OSBPL3: variants seen among roughly 807,000 people sequenced by gnomAD.
The protein encoded by OSBPL3 is oxysterol-binding protein-related protein 3.
Under a neutral mutation model 120.1 loss-of-function variants are expected in OSBPL3, and 65 were observed. That is an observed-to-expected ratio of 0.54 (90% CI 0.44 to 0.67). The LOEUF is 0.67. Ranked by LOEUF, OSBPL3 falls within the 30% of genes least tolerant of loss-of-function variation. The pLI, the probability that OSBPL3 is intolerant of heterozygous loss-of-function variation, is 0.00. For synonymous variants in OSBPL3, 416 were observed against 402.6 expected, an observed-to-expected ratio of 1.03 and a Z score of -0.40; for missense variants, 1,004 against 1,082.1, an observed-to-expected ratio of 0.93 and a Z score of 1.01.
chr7:24,866,436 G>C (rs988671278), intron 5 of OSBPL3, among the ~76,000 whole-genome samples, 199 bp from the exon 6 acceptor site: 6 of 152,076 alleles, frequency 3.9e-5, no homozygotes, highest in African/African-American at 4.8e-5. Context: ...CCAGGAGTTC[G>C]AGACCACCCT....
chr7:24,865,447 G>A lies in OSBPL3; in HGVS notation c.568C>T (p.Gln190Ter). ...TTGCTTCCAGTTTGAAATAAATTCT[G>A]CTTTGATATACTGCTACGCTGTTCC... is the stretch of plus-strand genomic sequence containing the variant. Reference protein sequence around the residue: ...SSRKRSSISKQNLFQTGSNVS... With the variant: ...SSRKRSSISK The change falls in exon 7 of 23, where the codon CAG (glutamine) becomes TAG (stop). Residue 190 changes from glutamine (Q) to a stop codon, truncating the protein, a stop_gained. Transcript: ENST00000313367. LOFTEE classifies it high-confidence loss of function. The A allele has an allele frequency of 6.2e-7, 1 of 1,613,642 alleles. No homozygotes were observed. Among genetic ancestry groups the A allele is most frequent in the Non-Finnish European group, 8.5e-7 (1 of 1,179,676 alleles).
At chr7:24,902,445 T>C (rs1172849512) in intron 1 of OSBPL3, among the ~76,000 whole-genome samples, 4 of 152,304 alleles carry the variant, frequency 2.6e-5, no homozygotes, top group Non-Finnish European at 2.9e-5. Context: ...AACATGACTA[T>C]GTCTTGAACT....
Position 24,828,605 on chromosome 7 carries a change from T to TGAAAAAA in OSBPL3, c.1884+2156_1884+2162dup, listed in dbSNP as rs1562785732. ...CTGGGCGACAAAGTGAGACTCTGTC[T>TGAAAAAA]GAAAAAAAAAAAAAAAGAAAAAAAA... On this transcript the variant is annotated intron_variant, in intron 16 of 22. Transcript: ENST00000313367. Among the ~76,000 whole-genome samples the TGAAAAAA allele has an allele frequency of 4.5e-4, 27 of 59,554 alleles. 2 individuals carry two copies. The highest frequency in any genetic ancestry group is 7.1e-4 in the Non-Finnish European group (22 of 30,950). The allele number at this position is 59,554 out of a possible 152,430, so 39.1% of individuals were successfully genotyped here.
chr7:24,852,750 G>C lies in OSBPL3; in HGVS notation c.1028-116C>G, dbSNP rs1468039414. 1.5e-6 allele frequency: 1 copy of C among 672,840 alleles called. No homozygotes were observed. Among genetic ancestry groups the C allele is most frequent in the Non-Finnish European group, 2.4e-6 (1 of 424,718 alleles). 41.7% of individuals were successfully genotyped at this position (672,840 alleles called of 1,614,324 possible). A position where few individuals can be genotyped will look rare whatever the true frequency, so the allele number is the denominator to read the frequency against. On this transcript the variant is annotated intron_variant, in intron 10 of 22. Transcript: ENST00000313367. The surrounding 1 kb of genome is among the most constrained non-coding windows in gnomAD (Gnocchi z 4.1). Reference sequence around the variant, plus strand: ...GCAAAGTAACAGCCCTGAATATTTTGAGTATAGCAAATGTACATTCTACCT... The same window carrying C: ...GCAAAGTAACAGCCCTGAATATTTTCAGTATAGCAAATGTACATTCTACCT...
Position 24,822,772 on chromosome 7 carries a change from A to G in OSBPL3, c.1885-2534T>C, listed in dbSNP as rs1795270183. 6.6e-6 allele frequency among the ~76,000 whole-genome samples: 1 copy of G among 152,254 alleles called. No individual in the cohort carries two copies. The highest frequency in any genetic ancestry group is 2.4e-5 in the African/African-American group (1 of 41,474). On this transcript the variant is annotated intron_variant, in intron 16 of 22. Transcript: ENST00000313367. The surrounding 1 kb of genome is among the most constrained non-coding windows in gnomAD (Gnocchi z 5.8). ...TAAATATACATCCATATGAATTACA[A>G]GAGAACCCCTACAGTATACACACAT... is the stretch of plus-strand genomic sequence containing the variant.
At chr7:24,926,936 A>G (rs898222840) in intron 1 of OSBPL3, among the ~76,000 whole-genome samples, 1 of 152,252 alleles carries the variant, frequency 6.6e-6, no homozygotes, top group Non-Finnish European at 1.5e-5. Flanking sequence ...TCAATGTTGT[A>G]AGAAACAGAC....
chr7:24,929,221 G>A lies in OSBPL3; in HGVS notation c.-149-36600C>T, dbSNP rs1584652259. ...TGCCTCACTGTAGTTTAATTTAGAA[G>A]GTCTGAAATCTGTTTCGTTCAGTGT... On this transcript the variant is annotated intron_variant, in intron 1 of 22. Transcript: ENST00000313367. Among the ~76,000 whole-genome samples the A allele has an allele frequency of 2.0e-5, 3 of 152,254 alleles. No individual in the cohort carries two copies. In the South Asian group the frequency reaches 6.2e-4, roughly 32 times the overall value.
rs1243158256 is a variant in OSBPL3 at position 24,881,406 on chromosome 7, G to C, written c.97-9337C>G. Among the ~76,000 whole-genome samples the C allele has an allele frequency of 2.0e-5, 3 of 152,138 alleles. No homozygotes were observed. The highest frequency in any genetic ancestry group is 7.2e-5 in the African/African-American group (3 of 41,438). On this transcript the variant is annotated intron_variant, in intron 2 of 22. Coordinates refer to ENST00000313367, the MANE Select transcript of OSBPL3 (RefSeq NM_015550.4). The surrounding 1 kb of genome is among the most constrained non-coding windows in gnomAD (Gnocchi z 4.3). ...TTTGTAACGGAGCTTCTTTTTAATA[G>C]GGGGGTCCCTGCTTAAAGGTCCAAA...
chr7:24,864,594 C>T (rs1370770999), intron 7 of OSBPL3, among the ~76,000 whole-genome samples: 1 of 152,142 alleles, frequency 6.6e-6, no homozygotes, highest in Non-Finnish European at 1.5e-5. Context: ...TTCAAGGCTG[C>T]CACCTGGTAT....
At position 24,872,448 on chromosome 7, in the gene OSBPL3, A is replaced by AGTGTGTGTGTGTGT. The variant is rs371127031; in HGVS notation, c.97-393_97-380dup. ...TCAGTCTGAATTTTAACCGAAAGAG[A>AGTGTGTGTGTGTGT]GTGTGTGTGTGTGTGTGTGTGTGTG... On this transcript the variant is annotated intron_variant, in intron 2 of 22. Transcript: ENST00000313367. This position sits in a 1 kb window ranked among gnomAD's most constrained non-coding sequence, Gnocchi z 4.1. 1.2e-3 allele frequency among the ~76,000 whole-genome samples: 171 copies of AGTGTGTGTGTGTGT among 144,976 alleles called. 1 individual carries two copies. The highest frequency in any genetic ancestry group is 2.8e-3 in the African/African-American group (107 of 38,810).
intron 10 of OSBPL3, among the ~76,000 whole-genome samples, chr7:24,853,074 T>A (rs1254802793): frequency 6.6e-6 from 1 of 152,248 alleles, no homozygotes; most frequent in East Asian, 1.9e-4. Context: ...GTCTCATGAC[T>A]TTATGACTTA....
At position 24,918,906 on chromosome 7, in the gene OSBPL3, T is replaced by C. The variant is rs1470967988; in HGVS notation, c.-149-26285A>G. ...TAGAAAAGGCAACAGACATAAATTT[T>C]GTAACTAACATTTCCCAGGTACAAT... is the stretch of plus-strand genomic sequence containing the variant. On this transcript the variant is annotated intron_variant, in intron 1 of 22. Coordinates refer to ENST00000313367, the MANE Select transcript of OSBPL3 (RefSeq NM_015550.4). The surrounding 1 kb of genome is among the most constrained non-coding windows in gnomAD (Gnocchi z 4.3). Among the ~76,000 whole-genome samples, 1 of 152,224 alleles carries C rather than the reference T, an allele frequency of 6.6e-6. No homozygotes were observed. Among genetic ancestry groups the C allele is most frequent in the African/African-American group, 2.4e-5 (1 of 41,460 alleles).
intron 1 of OSBPL3, 82 bp from the exon 2 acceptor site, chr7:24,892,703 A>T (rs1245725559): frequency 1.0e-6 from 1 of 1,002,002 alleles, no homozygotes; most frequent in African/African-American, 1.6e-5. Flanking sequence ...AAGTGGCTTA[A>T]ACATACTACA....
At chr7:24,829,701 T>A (rs1439565585) in intron 16 of OSBPL3, among the ~76,000 whole-genome samples, 1 of 152,168 alleles carries the variant, frequency 6.6e-6, no homozygotes, top group Non-Finnish European at 1.5e-5. Context: ...CTTAACAAGG[T>A]GGGAGAGGGT....
Position 24,940,897 on chromosome 7 carries a change from G to A in OSBPL3, c.-150+38989C>T, listed in dbSNP as rs1284555738. 6.6e-6 allele frequency among the ~76,000 whole-genome samples: 1 copy of A among 150,550 alleles called. No individual in the cohort carries two copies. Among genetic ancestry groups the A allele is most frequent in the East Asian group, 2.0e-4 (1 of 5,126 alleles). On this transcript the variant is annotated intron_variant, in intron 1 of 22. Coordinates refer to ENST00000313367, the MANE Select transcript of OSBPL3 (RefSeq NM_015550.4). This position sits in a 1 kb window ranked among gnomAD's most constrained non-coding sequence, Gnocchi z 4.4. ...TGCACTGGCGCGATCTCGGCTCACT[G>A]CAAGCTCTGCCTCCCGGGTTCAAGC...
chr7:24,900,425 C>T lies in OSBPL3; in HGVS notation c.-149-7804G>A, dbSNP rs1288625522. On this transcript the variant is annotated intron_variant, in intron 1 of 22. Coordinates refer to ENST00000313367, the MANE Select transcript of OSBPL3 (RefSeq NM_015550.4). The surrounding 1 kb of genome is among the most constrained non-coding windows in gnomAD (Gnocchi z 4.5). ...AATTAGCCTACGGTAAAATTAGCTTCGTATATATCGTTTCACTTGAAGTCA... is the reference window on the plus strand; with the variant it reads ...AATTAGCCTACGGTAAAATTAGCTTTGTATATATCGTTTCACTTGAAGTCA... 1.3e-5 allele frequency among the ~76,000 whole-genome samples: 2 copies of T among 152,150 alleles called. No homozygotes were observed. Among genetic ancestry groups the T allele is most frequent in the Non-Finnish European group, 2.9e-5 (2 of 68,032 alleles).
chr7:24,837,964 T>C (rs1293431758), intron 14 of OSBPL3, among the ~76,000 whole-genome samples: 1 of 152,210 alleles, frequency 6.6e-6, no homozygotes, highest in Admixed American at 6.5e-5. Flanking sequence ...AAACCTCATG[T>C]TTACTATAAA....
chr7:24,913,007 C>T lies in OSBPL3; in HGVS notation c.-149-20386G>A, dbSNP rs908496994. On this transcript the variant is annotated intron_variant, in intron 1 of 22. Coordinates refer to ENST00000313367, the MANE Select transcript of OSBPL3 (RefSeq NM_015550.4). This position sits in a 1 kb window ranked among gnomAD's most constrained non-coding sequence, Gnocchi z 5.3. ...GAAAGAACACATGGAGAGATCCATT[C>T]GGAAAAGAATGGCGACCGCCTCACC... 6.6e-6 allele frequency among the ~76,000 whole-genome samples: 1 copy of T among 152,176 alleles called. No individual in the cohort carries two copies. The highest frequency in any genetic ancestry group is 2.1e-4 in the South Asian group (1 of 4,824).
chr7:24,951,259 T>C (rs375494959), intron 1 of OSBPL3, among the ~76,000 whole-genome samples: 1 of 152,204 alleles, frequency 6.6e-6, no homozygotes. Context: ...GATCCTTAAG[T>C]GGGGTTTTTT....
Sources: allele counts gnomAD v4.1 joint callset (sites outside exome capture counted in the v4.1 genomes callset), GRCh38; gene constraint gnomAD v4.1.1; non-coding constraint Gnocchi (gnomAD v3.1); transcripts MANE v1.5; gene names NCBI Gene and HGNC (gene_info 2026-07-23, HGNC 2026-07-21).